The following NEDD4L variants were observed in gnomAD, a reference collection of about 807,000 sequenced individuals.
NEDD4L encodes E3 ubiquitin-protein ligase NEDD4-like.
Under a neutral mutation model 148.9 loss-of-function variants are expected in NEDD4L, and 54 were observed. The observed-to-expected ratio is 0.36, with a 90% CI of 0.29 to 0.45. NEDD4L has a LOEUF of 0.45. Ranked by LOEUF, NEDD4L falls within the 20% of genes least tolerant of loss-of-function variation. NEDD4L has a pLI of 1.00. For synonymous variants in NEDD4L, 433 were observed against 440.7 expected, an observed-to-expected ratio of 0.98 and a Z score of 0.22; for missense variants, 856 against 1,233.8, an observed-to-expected ratio of 0.69 and a Z score of 4.59.
chr18:58,094,443 T>C (rs568879995), intron 1 of NEDD4L, among the ~76,000 whole-genome samples: 2 of 152,196 alleles, frequency 1.3e-5, no homozygotes, highest in South Asian at 4.2e-4. Context: ...CGCCTCAGCC[T>C]CCTACAGTGT....
intron 5 of NEDD4L, among the ~76,000 whole-genome samples, chr18:58,290,582 A>G (rs1239394967): frequency 6.6e-6 from 1 of 152,200 alleles, no homozygotes; most frequent in Non-Finnish European, 1.5e-5. Context: ...AATTGTGTTT[A>G]TATGAAGTGA....
intron 1 of NEDD4L, among the ~76,000 whole-genome samples, chr18:58,158,024 A>G (rs912538487): frequency 3.9e-5 from 6 of 152,258 alleles, no homozygotes; most frequent in African/African-American, 1.4e-4. Flanking sequence ...TGGTTCTGAC[A>G]TGTGCCTTTC....
intron 1 of NEDD4L, among the ~76,000 whole-genome samples, chr18:58,062,805 G>A (rs555997209): frequency 6.6e-6 from 1 of 152,016 alleles, no homozygotes; most frequent in Non-Finnish European, 1.5e-5. Flanking sequence ...TGGCTAACAC[G>A]GTGAAACCCC....
chr18:58,243,844 AT>A (rs1270437593), intron 2 of NEDD4L, among the ~76,000 whole-genome samples: 21 of 151,354 alleles, frequency 1.4e-4, no homozygotes, highest in Admixed American at 4.6e-4. Context: ...TAAAAAAAAA[AT>A]AAAAAATATT....
chr18:58,102,663 G>A (rs73440864), intron 1 of NEDD4L, among the ~76,000 whole-genome samples: 14,491 of 152,004 alleles, frequency 0.095, 740 homozygotes, highest in Non-Finnish European at 0.11. Flanking sequence ...TGCAAATAAC[G>A]CAGTATCACA....
Position 58,171,300 on chromosome 18 carries a change from G to T in NEDD4L, c.122+5439G>T, listed in dbSNP as rs369470888. ...CCCGCCTCATCACCCCAGCCCAAGAGGACAGAACACTGCTGCCCGCCTCAT... is the reference window on the plus strand; with the variant it reads ...CCCGCCTCATCACCCCAGCCCAAGATGACAGAACACTGCTGCCCGCCTCAT... On this transcript the variant is annotated intron_variant, in intron 2 of 30. Coordinates refer to ENST00000400345, the MANE Select transcript of NEDD4L (RefSeq NM_001144967.3). Among the ~76,000 whole-genome samples, 32 of 11,680 alleles carry T rather than the reference G, an allele frequency of 2.7e-3. 13 individuals are homozygous for T. The highest frequency in any genetic ancestry group is 0.019 in the South Asian group (5 of 266). The allele number at this position is 11,680 out of a possible 152,430, so 7.7% of individuals were successfully genotyped here.
intron 1 of NEDD4L, among the ~76,000 whole-genome samples, chr18:58,066,409 T>C (rs1435884408): frequency 7.3e-6 from 1 of 137,528 alleles, no homozygotes; most frequent in Admixed American, 7.3e-5. Context: ...TTTTTTTTTT[T>C]TAACGGAGTC....
chr18:58,167,724 A>C (rs755770412), intron 2 of NEDD4L, among the ~76,000 whole-genome samples: 7 of 152,152 alleles, frequency 4.6e-5, no homozygotes, highest in Non-Finnish European at 8.8e-5. Context: ...GGAAAAAAAA[A>C]CAAAAATTAT....
At chr18:58,066,884 C>A (rs770003307) in intron 1 of NEDD4L, among the ~76,000 whole-genome samples, 1 of 152,094 alleles carries the variant, frequency 6.6e-6, no homozygotes, top group African/African-American at 2.4e-5. Context: ...GGGGCAAAAT[C>A]CACTCCCATC....
intron 5 of NEDD4L, among the ~76,000 whole-genome samples, chr18:58,259,128 T>C (rs1025806305): frequency 3.3e-5 from 5 of 152,228 alleles, no homozygotes; most frequent in Admixed American, 1.3e-4. Context: ...CTTTAGACCT[T>C]ATTACAAGAT....
chr18:58,217,808 T>C (rs2043306962), intron 2 of NEDD4L, among the ~76,000 whole-genome samples: 1 of 152,246 alleles, frequency 6.6e-6, no homozygotes, highest in Admixed American at 6.5e-5. Context: ...TATTTATATT[T>C]ATGTATATGG....
intron 22 of NEDD4L, among the ~76,000 whole-genome samples, chr18:58,369,894 G>A (rs770266382): frequency 3.9e-5 from 6 of 152,138 alleles, no homozygotes; most frequent in Admixed American, 6.5e-5. Flanking sequence ...TCTCCCCATC[G>A]CTGCCCAAGC....
chr18:58,145,963 C>G (rs551592546), intron 1 of NEDD4L, among the ~76,000 whole-genome samples: 1 of 152,236 alleles, frequency 6.6e-6, no homozygotes, highest in Non-Finnish European at 1.5e-5. Flanking sequence ...GGAAACAGTT[C>G]TGCTTCATGA....
At chr18:58,146,618 G>A (rs969315444) in intron 1 of NEDD4L, among the ~76,000 whole-genome samples, 4 of 152,184 alleles carry the variant, frequency 2.6e-5, no homozygotes, top group African/African-American at 9.7e-5. Flanking sequence ...CCTGGAAGCT[G>A]TGCTGTGTGC....
intron 2 of NEDD4L, among the ~76,000 whole-genome samples, chr18:58,182,535 A>G (rs531540416): frequency 2.1e-4 from 21 of 101,456 alleles, no homozygotes; most frequent in African/African-American, 7.3e-4. Context: ...TTTTTTTGAG[A>G]TGGAATCTTC....
At chr18:58,212,484 A>T (rs2042692738) in intron 2 of NEDD4L, among the ~76,000 whole-genome samples, 2 of 118,788 alleles carry the variant, frequency 1.7e-5, no homozygotes, top group Non-Finnish European at 3.4e-5. Context: ...ATCACATGAG[A>T]TGTAATTCAC....
intron 16 of NEDD4L, among the ~76,000 whole-genome samples, chr18:58,347,810 T>A (rs917831772): frequency 1.3e-5 from 2 of 152,192 alleles, no homozygotes; most frequent in South Asian, 2.1e-4. Flanking sequence ...TGATTATGAT[T>A]CAGTGATACT....
chr18:58,316,911 G>A (rs12326452), intron 6 of NEDD4L, among the ~76,000 whole-genome samples: 137 of 138,136 alleles, frequency 9.9e-4, no homozygotes, highest in Non-Finnish European at 1.1e-3. Flanking sequence ...TGCTTTGTGT[G>A]AGCAAATAGC....
intron 2 of NEDD4L, among the ~76,000 whole-genome samples, chr18:58,203,668 A>G (rs748144369): frequency 6.6e-6 from 1 of 151,754 alleles, no homozygotes; most frequent in Non-Finnish European, 1.5e-5. Context: ...AAATGTTAAA[A>G]TAACCATGAC....
Sources: gnomAD v4.1 joint callset for allele counts (sites outside exome capture counted in the v4.1 genomes callset) on GRCh38, gnomAD v4.1.1 for gene constraint, MANE v1.5 for transcripts, NCBI Gene and HGNC (gene_info 2026-07-23, HGNC 2026-07-21) for gene names.